The following PTPRF variants were observed in gnomAD, a reference collection of about 807,000 sequenced individuals.
PTPRF encodes the protein protein tyrosine phosphatase receptor type F.
Under a neutral mutation model 201.8 loss-of-function variants are expected in PTPRF, and 59 were observed. The observed-to-expected ratio is 0.29, with a 90% CI of 0.24 to 0.36. PTPRF has a LOEUF of 0.36. PTPRF is among the 10% of genes least tolerant of loss of function. PTPRF has a pLI of 1.00. For synonymous variants in PTPRF, 1,088 were observed against 1,089.7 expected, an observed-to-expected ratio of 1.00 and a Z score of 0.03; for missense variants, 2,132 against 2,690.5, an observed-to-expected ratio of 0.79 and a Z score of 4.59.
At chr1:43,551,362 G>A (rs573436160) in intron 3 of PTPRF, among the ~76,000 whole-genome samples, 4 of 152,282 alleles carry the variant, frequency 2.6e-5, no homozygotes, top group African/African-American at 9.6e-5. Flanking sequence ...TCTGGAAGGC[G>A]CAACAGAGGC....
intron 22 of PTPRF, among the ~76,000 whole-genome samples, chr1:43,609,959 T>C (rs1235552563): frequency 6.6e-6 from 1 of 152,206 alleles, no homozygotes; most frequent in Non-Finnish European, 1.5e-5. Context: ...AGGTTTACCA[T>C]ACCACGTACC....
intron 6 of PTPRF, among the ~76,000 whole-genome samples, chr1:43,571,389 AC>A (rs1196788374): frequency 6.6e-6 from 1 of 151,898 alleles, no homozygotes; most frequent in Non-Finnish European, 1.5e-5. Flanking sequence ...CCATCTCCTC[AC>A]CTGCAACTCT....
Position 43,598,738 on chromosome 1 carries a change from G to A in PTPRF, c.2138G>A (p.Arg713Gln), listed in dbSNP as rs1308563374. 3.1e-6 allele frequency: 5 copies of A among 1,613,488 alleles called. No homozygotes were observed. The highest frequency in any genetic ancestry group is 1.1e-5 in the South Asian group (1 of 91,054). ...TDEDVPSGPP[R>Q]KVEVEPLNST... Reference sequence around the variant, plus strand: ...CCCCCAGTGCCCAGCGGGCCTCCGCGGAAGGTGGAGGTGGAGCCACTGAAC... The same window carrying A: ...CCCCCAGTGCCCAGCGGGCCTCCGCAGAAGGTGGAGGTGGAGCCACTGAAC... Residue 713 changes from arginine to glutamine, a missense_variant, in exon 13 of 34, where the codon CGG becomes CAG. By Grantham distance (43) the Arg-to-Gln change is conservative. Coordinates refer to ENST00000359947, the MANE Select transcript of PTPRF (RefSeq NM_002840.5).
intron 3 of PTPRF, among the ~76,000 whole-genome samples, chr1:43,549,891 G>C (rs1387774469): frequency 6.6e-6 from 1 of 151,960 alleles, no homozygotes; most frequent in Non-Finnish European, 1.5e-5. Flanking sequence ...AGAAAAGTGA[G>C]CCTGAGAGCT....
intron 7 of PTPRF, 90 bp downstream of exon 7, chr1:43,579,010 G>T (rs1219638124): frequency 1.8e-6 from 2 of 1,142,518 alleles, no homozygotes; most frequent in East Asian, 2.4e-5. Flanking sequence ...GTGCAGACAC[G>T]CAAGGGACTG....
chr1:43,612,287 T>C (rs1156483586), intron 22 of PTPRF, among the ~76,000 whole-genome samples: 1 of 151,970 alleles, frequency 6.6e-6, no homozygotes, highest in Non-Finnish European at 1.5e-5. Context: ...AAGTGGGGGC[T>C]GAGAAAGTGG....
At chr1:43,528,904 G>C (rs1027231178), upstream of PTPRF, 1 of 152,342 alleles carries the variant, frequency 6.6e-6, no homozygotes, top group Non-Finnish European at 1.5e-5. Flanking sequence ...AAAAGGGGCA[G>C]AGCAGGAGAA....
At chr1:43,600,097 T>C (rs766863390) in intron 13 of PTPRF, among the ~76,000 whole-genome samples, 1 of 152,104 alleles carries the variant, frequency 6.6e-6, no homozygotes, top group Non-Finnish European at 1.5e-5. Flanking sequence ...GGTGCTCTCT[T>C]CCCCCTCTCA....
chr1:43,573,166 C>T (rs10890257), intron 6 of PTPRF, among the ~76,000 whole-genome samples: 37,050 of 151,932 alleles, frequency 0.24, 5,477 homozygotes, highest in East Asian at 0.33. Context: ...AGAATTGGAA[C>T]TTGAGACCGG....
intron 12 of PTPRF, chr1:43,598,422 G>T (rs149494250): frequency 9.7e-5 from 49 of 503,744 alleles, no homozygotes; most frequent in Middle Eastern, 1.0e-3. Context: ...AGGTTGTGCT[G>T]ACTAGGGGTG....
chr1:43,606,924 C>T lies in PTPRF; in HGVS notation c.3813C>T (p.Val1271=), dbSNP rs373471100. 3.1e-6 allele frequency: 5 copies of T among 1,614,058 alleles called. No homozygotes were observed. Among genetic ancestry groups the T allele is most frequent in the Non-Finnish European group, 4.2e-6 (5 of 1,180,038 alleles). ...GGGTGACGGGTCCCGTGCTGGCAGT[C>T]ATCCTCATCATCCTCATTGTCATCG... ...MLWVTGPVLA[V]ILIILIVIAI... Residue 1271 remains valine (V), a synonymous_variant, in exon 21 of 34, where the codon GTC becomes GTT. Transcript: ENST00000359947.
intron 21 of PTPRF, 21 bp from the exon 22 acceptor site, chr1:43,609,359 CCAG>C: frequency 6.2e-7 from 1 of 1,602,094 alleles, no homozygotes; most frequent in East Asian, 2.2e-5. Context: ...CAGGTTCTCA[CCAG>C]CCTCCCTTCT....
intron 6 of PTPRF, among the ~76,000 whole-genome samples, chr1:43,573,977 C>CTTTTTTTTTTTTTTTTTTTTTTTTTT: frequency 1.6e-5 from 1 of 63,884 alleles, no homozygotes. Flanking sequence ...TGTGTGGGTT[C>CTTTTTTTTTTTTTTTTTTTTTTTTTT]TTTTTTTTTT....
intron 11 of PTPRF, among the ~76,000 whole-genome samples, chr1:43,594,934 G>A (rs1046814904): frequency 6.6e-6 from 1 of 152,190 alleles, no homozygotes; most frequent in Non-Finnish European, 1.5e-5. Flanking sequence ...CGACTTGGAG[G>A]TTGGAAGGAG....
intron 6 of PTPRF, among the ~76,000 whole-genome samples, chr1:43,573,547 C>T (rs918701480): frequency 6.6e-6 from 1 of 152,250 alleles, no homozygotes; most frequent in African/African-American, 2.4e-5. Flanking sequence ...GGCCCCAGCT[C>T]TGGCTGGAAG....
intron 5 of PTPRF, among the ~76,000 whole-genome samples, chr1:43,567,880 C>A (rs749660404): frequency 6.6e-6 from 1 of 152,180 alleles, no homozygotes; most frequent in South Asian, 2.1e-4. Flanking sequence ...TGGTCTCCCC[C>A]ACCATGAGCC....
Position 43,617,571 on chromosome 1 carries a change from G to A in PTPRF, c.4195+3G>A, listed in dbSNP as rs1444941502. On this transcript the variant is annotated splice_donor_region_variant and intron_variant, in intron 24 of 33. Transcript: ENST00000359947. ...AGTCATCCTTACCTCTATCGATGGTGAGCCAAGGGGGTGCCCCTCCCATCC... is the reference window on the plus strand; with the variant it reads ...AGTCATCCTTACCTCTATCGATGGTAAGCCAAGGGGGTGCCCCTCCCATCC... 1.2e-6 allele frequency: 2 copies of A among 1,613,754 alleles called. No individual in the cohort carries two copies. The highest frequency in any genetic ancestry group is 1.3e-5 in the African/African-American group (1 of 74,892).
At position 43,544,026 on chromosome 1, in the gene PTPRF, T is replaced by C. The variant is rs184212282; in HGVS notation, c.-45-1005T>C. Among the ~76,000 whole-genome samples the C allele has an allele frequency of 7.9e-4, 120 of 152,216 alleles. 1 individual carries two copies. The highest frequency in any genetic ancestry group is 1.4e-3 in the Non-Finnish European group (94 of 68,004). ...GGGAGTGATAGCAGCGTATCTCCCA[T>C]GTATAGTGCGGCCATGCTAGAGGCT... On this transcript the variant is annotated intron_variant, in intron 2 of 33. Transcript: ENST00000359947.
In PTPRF at chr1:43,603,387, A is replaced by G. The variant is rs760084308; in HGVS notation, c.2341-29A>G. ...TCTGGCCTCTCCCTGCATTCTTGTG[A>G]TGGGAACGAACCCCTCCTCCTCCCT... On this transcript the variant is annotated intron_variant, in intron 14 of 33. Coordinates refer to ENST00000359947, the MANE Select transcript of PTPRF (RefSeq NM_002840.5). The surrounding 1 kb of genome is among the most constrained non-coding windows in gnomAD (Gnocchi z 5.8). 6.3e-7 allele frequency: 1 copy of G among 1,595,550 alleles called. No homozygotes were observed.
Sources: gnomAD v4.1 joint callset for allele counts (sites outside exome capture counted in the v4.1 genomes callset) on GRCh38, gnomAD v4.1.1 for gene constraint, Gnocchi (gnomAD v3.1) non-coding constraint, MANE v1.5 for transcripts, NCBI Gene and HGNC (gene_info 2026-07-23, HGNC 2026-07-21) for gene names.